Variants in BRAP observed in about 807,000 individuals in gnomAD.
BRAP encodes BRCA1 associated protein, also known as BRCA1-associated protein.
In BRAP, 42 loss-of-function variants were observed where a neutral mutation model predicts 73.4. The observed-to-expected ratio is 0.57, with a 90% CI of 0.45 to 0.74. The LOEUF is 0.74. Among genes scored for constraint, BRAP ranks in the 30% least tolerant of loss-of-function variants. BRAP has a pLI of 0.00. For missense variants in BRAP, 593 were observed against 751.4 expected (o/e 0.79, Z 2.46); for synonymous variants, 255 against 267.4 (o/e 0.95, Z 0.45).
At position 111,671,472 on chromosome 12, in the gene BRAP, C is replaced by T. The variant is rs571416733; in HGVS notation, c.747+1189G>A. On this transcript the variant is annotated intron_variant, in intron 5 of 11. Transcript: ENST00000419234. ...GGGTGAGGCACAAGAATCGCTTGAA[C>T]CTGGGAGGTGGAGGTTGCAGTGAGC... Among the ~76,000 whole-genome samples the T allele has an allele frequency of 5.9e-5, 9 of 152,202 alleles. No homozygotes were observed. The South Asian group carries it at 1.9e-3, about 32-fold the overall frequency.
At chr12:111,679,041 T>C in intron 4 of BRAP, 110 bp downstream of exon 4, 1 of 682,774 alleles carries the variant, frequency 1.5e-6, no homozygotes, top group East Asian at 3.1e-5. Flanking sequence ...TTAGAAGACA[T>C]CTCAAGAATC....
intron 1 of BRAP, among the ~76,000 whole-genome samples, chr12:111,684,665 T>G (rs1462584185): frequency 6.6e-6 from 1 of 151,308 alleles, no homozygotes; most frequent in African/African-American, 2.4e-5. Context: ...GAGCATAAGT[T>G]TTTTTTTTGT....
intron 11 of BRAP, among the ~76,000 whole-genome samples, chr12:111,649,001 C>CAAA (rs1213014815): frequency 2.6e-5 from 4 of 151,654 alleles, no homozygotes; most frequent in East Asian, 1.9e-4. Context: ...ACCCTGTCTC[C>CAAA]AAAACAACAA....
chr12:111,652,974 G>T (rs1886384432), intron 10 of BRAP, among the ~76,000 whole-genome samples: 1 of 152,148 alleles, frequency 6.6e-6, no homozygotes, highest in African/African-American at 2.4e-5. Context: ...CTCCCAAAGT[G>T]CTGGGAATTA....
chr12:111,664,216 C>T (rs1407151349), intron 6 of BRAP, among the ~76,000 whole-genome samples: 2 of 152,076 alleles, frequency 1.3e-5, no homozygotes, highest in East Asian at 3.9e-4. Flanking sequence ...CCTGTAGTCC[C>T]AGCTACTTGG....
intron 5 of BRAP, among the ~76,000 whole-genome samples, chr12:111,666,321 T>C (rs1309741628): frequency 2.6e-5 from 4 of 152,208 alleles, no homozygotes; most frequent in Admixed American, 1.3e-4. Flanking sequence ...TCTACGACTA[T>C]AATAGAACAC....
intron 1 of BRAP, 63 bp from the exon 2 acceptor site, chr12:111,683,370 C>T (rs1192222312): frequency 4.6e-6 from 7 of 1,508,346 alleles, no homozygotes; most frequent in African/African-American, 1.4e-5. Flanking sequence ...TTCTCTATTC[C>T]TCTATCATTA....
chr12:111,676,083 G>T (rs1887369835), intron 4 of BRAP, among the ~76,000 whole-genome samples: 1 of 151,358 alleles, frequency 6.6e-6, no homozygotes, highest in Non-Finnish European at 1.5e-5. Context: ...TTGCCATGTT[G>T]CCCAGGCTGG....
chr12:111,675,333 T>A (rs558333120), intron 4 of BRAP, among the ~76,000 whole-genome samples: 1 of 151,996 alleles, frequency 6.6e-6, no homozygotes, highest in Admixed American at 6.6e-5. Flanking sequence ...TACACTAGGA[T>A]GATTGTGGCA....
chr12:111,669,110 C>G (rs562880454), intron 5 of BRAP, among the ~76,000 whole-genome samples: 2 of 152,274 alleles, frequency 1.3e-5, no homozygotes, highest in South Asian at 4.2e-4. Context: ...GTAACGTTTT[C>G]CTCCCAATAC....
At chr12:111,646,241 G>A (rs979485995) in intron 11 of BRAP, among the ~76,000 whole-genome samples, 1 of 151,102 alleles carries the variant, frequency 6.6e-6, no homozygotes. Context: ...GGCTGTGATT[G>A]CATCACTGCA....
intron 9 of BRAP, among the ~76,000 whole-genome samples, chr12:111,656,585 G>T (rs1295670268): frequency 6.6e-6 from 1 of 152,172 alleles, no homozygotes; most frequent in African/African-American, 2.4e-5. Context: ...GACTAGAAGA[G>T]ATATAAACAT....
chr12:111,679,483 C>G (rs1422897953), intron 3 of BRAP, 143 bp from the exon 4 acceptor site: 1 of 498,318 alleles, frequency 2.0e-6, no homozygotes, highest in African/African-American at 2.0e-5. Context: ...TTATACCCCC[C>G]ATTGGACTTT....
At chr12:111,664,848 C>G (rs1886881729) in intron 6 of BRAP, among the ~76,000 whole-genome samples, 1 of 152,200 alleles carries the variant, frequency 6.6e-6, no homozygotes. Flanking sequence ...TCCTAATTAC[C>G]CTCCTGGAGA....
At chr12:111,678,223 T>C (rs1887459174) in intron 4 of BRAP, among the ~76,000 whole-genome samples, 1 of 126,420 alleles carries the variant, frequency 7.9e-6, no homozygotes, top group Non-Finnish European at 1.6e-5. Flanking sequence ...CACTCCAGCC[T>C]GGGCAACAAG....
chr12:111,674,306 G>C (rs1246534222), intron 4 of BRAP, among the ~76,000 whole-genome samples: 1 of 151,826 alleles, frequency 6.6e-6, no homozygotes, highest in East Asian at 1.9e-4. Context: ...GCAATGGCAT[G>C]ACGTCAGCTC....
intron 3 of BRAP, among the ~76,000 whole-genome samples, chr12:111,680,157 A>G (rs1887545121): frequency 6.6e-6 from 1 of 151,430 alleles, no homozygotes; most frequent in Admixed American, 6.6e-5. Context: ...GGGTTTCACT[A>G]TGTTGGCCAG....
chr12:111,672,808 A>C, intron 4 of BRAP, 34 bp from the exon 5 acceptor site: 1 of 1,540,782 alleles, frequency 6.5e-7, no homozygotes, highest in Non-Finnish European at 8.9e-7. Context: ...GAAAAAAATT[A>C]AGACAGATAC....
intron 7 of BRAP, among the ~76,000 whole-genome samples, 193 bp downstream of exon 7, chr12:111,660,407 T>C (rs1886701429): frequency 6.6e-6 from 1 of 152,000 alleles, no homozygotes; most frequent in Non-Finnish European, 1.5e-5. Flanking sequence ...CCCAGCACTA[T>C]GGGTGGCTGA....
Sources: allele counts gnomAD v4.1 joint callset (sites outside exome capture counted in the v4.1 genomes callset), GRCh38; gene constraint gnomAD v4.1.1; transcripts MANE v1.5; gene names NCBI Gene and HGNC (gene_info 2026-07-23, HGNC 2026-07-21).